Variants in RPTOR observed in about 807,000 individuals in gnomAD.
The protein encoded by RPTOR is regulatory-associated protein of mTOR.
A neutral mutation model predicts 169.9 loss-of-function variants in RPTOR; 21 were observed. That is an observed-to-expected ratio of 0.12 (90% CI 0.09 to 0.18). The LOEUF (loss-of-function observed/expected upper bound fraction) is 0.18, where lower values mean the gene tolerates loss of function less well. Among genes scored for constraint, RPTOR ranks in the 10% least tolerant of loss-of-function variants. The pLI is 1.00. For missense variants in RPTOR, 1,133 were observed against 1,855.9 expected (o/e 0.61, Z 7.16); for synonymous variants, 732 against 753.2 (o/e 0.97, Z 0.46).
chr17:80,926,441 G>A (rs78012498), intron 24 of RPTOR, among the ~76,000 whole-genome samples: 3,857 of 152,310 alleles, frequency 0.025, 151 homozygotes, highest in African/African-American at 0.088. Flanking sequence ...TTAAATAGCC[G>A]TTCCCTTTGA....
intron 21 of RPTOR, among the ~76,000 whole-genome samples, chr17:80,920,247 A>G (rs544721159): frequency 6.6e-6 from 1 of 152,196 alleles, no homozygotes; most frequent in Non-Finnish European, 1.5e-5. Context: ...CATGTTCACA[A>G]TCTTGGCCCC....
At chr17:80,792,707 G>T (rs2067061343) in intron 7 of RPTOR, among the ~76,000 whole-genome samples, 1 of 152,078 alleles carries the variant, frequency 6.6e-6, no homozygotes, top group Non-Finnish European at 1.5e-5. Flanking sequence ...GGGACTAGAT[G>T]ATCTGTGCTC....
intron 3 of RPTOR, among the ~76,000 whole-genome samples, chr17:80,688,360 T>C (rs1397276582): frequency 6.6e-6 from 1 of 152,210 alleles, no homozygotes; most frequent in Non-Finnish European, 1.5e-5. Context: ...GGTATAAGCA[T>C]GGGCTTTGTG....
In RPTOR at chr17:80,721,035, C is replaced by G. The variant is rs2066281500; in HGVS notation, c.508-9525C>G. Among the ~76,000 whole-genome samples the G allele has an allele frequency of 1.3e-5, 2 of 151,154 alleles. 1 individual carries two copies. The highest frequency in any genetic ancestry group is 6.8e-3 in the Middle Eastern group (2 of 294). On this transcript the variant is annotated intron_variant, in intron 4 of 33. Coordinates refer to ENST00000306801, the MANE Select transcript of RPTOR (RefSeq NM_020761.3). This position sits in a 1 kb window ranked among gnomAD's most constrained non-coding sequence, Gnocchi z 4.7. ...TTTAGCCGTCTAGGGCAGAAACAGT[C>G]CCGGGTAAACACCAAGGCCTCGTGG...
At chr17:80,554,668 C>T (rs1029946003) in intron 1 of RPTOR, among the ~76,000 whole-genome samples, 3 of 151,952 alleles carry the variant, frequency 2.0e-5, no homozygotes, top group Non-Finnish European at 2.9e-5. Flanking sequence ...GGCGTGAACC[C>T]GGGAGGCAGA....
chr17:80,769,784 G>A (rs1035783613), intron 6 of RPTOR, among the ~76,000 whole-genome samples: 3 of 152,218 alleles, frequency 2.0e-5, no homozygotes, highest in Non-Finnish European at 4.4e-5. Flanking sequence ...AACGCATCTC[G>A]ACCAGCAGCC....
chr17:80,869,161 G>A (rs2672888), intron 13 of RPTOR, among the ~76,000 whole-genome samples: 52,051 of 151,972 alleles, frequency 0.34, 11,187 homozygotes, highest in African/African-American at 0.61. Flanking sequence ...ATTTTATTTT[G>A]TTTTTTTATT....
chr17:80,641,593 A>G (rs1383187826), intron 2 of RPTOR, among the ~76,000 whole-genome samples: 2 of 152,262 alleles, frequency 1.3e-5, no homozygotes, highest in Non-Finnish European at 2.9e-5. Flanking sequence ...AGTGAGCTAC[A>G]TGAACGTTTT....
intron 6 of RPTOR, among the ~76,000 whole-genome samples, chr17:80,761,229 A>AGTGGGACTTCATTTGCT (rs1298593460): frequency 1.3e-5 from 2 of 152,200 alleles, no homozygotes; most frequent in Non-Finnish European, 2.9e-5. Context: ...ATTATAACCC[A>AGTGGGACTTCATTTGCT]GTGGGACTTC....
chr17:80,742,045 G>A (rs1325288736), intron 5 of RPTOR, among the ~76,000 whole-genome samples: 1 of 152,196 alleles, frequency 6.6e-6, no homozygotes, highest in East Asian at 1.9e-4. Flanking sequence ...TTGTATTTGT[G>A]CACACGGGGC....
At chr17:80,938,320 C>T (rs2068979652) in intron 24 of RPTOR, among the ~76,000 whole-genome samples, 1 of 152,190 alleles carries the variant, frequency 6.6e-6, no homozygotes, top group Non-Finnish European at 1.5e-5. Flanking sequence ...CATAGAGTGC[C>T]GGGCCAAGGA....
At chr17:80,893,620 A>T (rs1405250410) in intron 19 of RPTOR, 87 bp from the exon 20 acceptor site, 5 of 1,488,950 alleles carry the variant, frequency 3.4e-6, no homozygotes, top group Non-Finnish European at 4.5e-6. Context: ...ATTTAGAAGA[A>T]AATATGTATC....
intron 3 of RPTOR, among the ~76,000 whole-genome samples, chr17:80,690,801 T>C (rs1374154692): frequency 2.6e-5 from 4 of 152,160 alleles, no homozygotes; most frequent in African/African-American, 9.7e-5. Flanking sequence ...ATTGTTTCAT[T>C]CCTTTTTTTG....
chr17:80,938,351 C>T (rs944961606), intron 24 of RPTOR, among the ~76,000 whole-genome samples: 1 of 152,238 alleles, frequency 6.6e-6, no homozygotes, highest in African/African-American at 2.4e-5. Flanking sequence ...CCATCAGTTC[C>T]TCTCCCTTCC....
At chr17:80,858,053 G>A (rs1254870138) in intron 13 of RPTOR, 153 bp downstream of exon 13, 10 of 660,056 alleles carry the variant, frequency 1.5e-5, no homozygotes, top group African/African-American at 5.4e-5. Flanking sequence ...AAAGTGGGAC[G>A]CGCCCGCCTC....
At chr17:80,901,643 T>A (rs2068477393) in intron 20 of RPTOR, among the ~76,000 whole-genome samples, 1 of 152,152 alleles carries the variant, frequency 6.6e-6, no homozygotes, top group South Asian at 2.1e-4. Context: ...GCCAATTTCT[T>A]CTTTCATTTC....
intron 10 of RPTOR, among the ~76,000 whole-genome samples, chr17:80,846,013 T>C (rs1200564780): frequency 6.6e-6 from 1 of 152,232 alleles, no homozygotes; most frequent in Non-Finnish European, 1.5e-5. Context: ...GGCTCTGTCC[T>C]GGGCCCCTTT....
chr17:80,766,503 C>T (rs1200242408), intron 6 of RPTOR, among the ~76,000 whole-genome samples: 1 of 152,238 alleles, frequency 6.6e-6, no homozygotes, highest in African/African-American at 2.4e-5. Flanking sequence ...GCATGAGCCA[C>T]CACGCCTGAT....
At chr17:80,804,121 G>A (rs1427974958) in intron 7 of RPTOR, among the ~76,000 whole-genome samples, 1 of 152,172 alleles carries the variant, frequency 6.6e-6, no homozygotes, top group Non-Finnish European at 1.5e-5. Flanking sequence ...AGGCACTTAG[G>A]AGCTTGATGG....
Sources: gnomAD v4.1 joint callset for allele counts (sites outside exome capture counted in the v4.1 genomes callset) on GRCh38, gnomAD v4.1.1 for gene constraint, Gnocchi (gnomAD v3.1) non-coding constraint, MANE v1.5 for transcripts, NCBI Gene and HGNC (gene_info 2026-07-23, HGNC 2026-07-21) for gene names.